GAREM1: variants seen among roughly 807,000 people sequenced by gnomAD.
GAREM1 encodes the protein GRB2-associated and regulator of MAPK protein 1.
Under a neutral mutation model 71.3 loss-of-function variants are expected in GAREM1, and 26 were observed. That is an observed-to-expected ratio of 0.36 (90% CI 0.27 to 0.51). The LOEUF (loss-of-function observed/expected upper bound fraction) is 0.51. Ranked by LOEUF, GAREM1 falls within the 20% of genes least tolerant of loss-of-function variation. The probability of loss-of-function intolerance (pLI) is 0.95; values close to 1 mark genes in which losing one functional copy is unlikely to be tolerated. For synonymous variants in GAREM1, 440 were observed against 433.2 expected, an observed-to-expected ratio of 1.02 and a Z score of -0.20; for missense variants, 1,026 against 1,103.1, an observed-to-expected ratio of 0.93 and a Z score of 0.99.
chr18:32,399,074 T>C (rs1010978396), intron 1 of GAREM1, among the ~76,000 whole-genome samples: 4 of 152,162 alleles, frequency 2.6e-5, no homozygotes, highest in Admixed American at 1.3e-4. Flanking sequence ...AAAAACCACA[T>C]GGTTATCTCA....
At chr18:32,368,649 T>C (rs913797628) in intron 2 of GAREM1, among the ~76,000 whole-genome samples, 1 of 152,202 alleles carries the variant, frequency 6.6e-6, no homozygotes, top group Non-Finnish European at 1.5e-5. Flanking sequence ...AAGTACCAAG[T>C]GGCAAAATTA....
chr18:32,346,035 A>T (rs937672103), intron 2 of GAREM1, among the ~76,000 whole-genome samples: 1 of 152,202 alleles, frequency 6.6e-6, no homozygotes, highest in Non-Finnish European at 1.5e-5. Flanking sequence ...CACTAAACTC[A>T]GTCTTAACTA....
chr18:32,403,724 A>G (rs754411775), intron 1 of GAREM1, among the ~76,000 whole-genome samples: 3 of 152,180 alleles, frequency 2.0e-5, no homozygotes, highest in Non-Finnish European at 4.4e-5. Context: ...TACAGGTATG[A>G]GCCACTGTGC....
At chr18:32,294,320 G>A (rs1460192116) in intron 3 of GAREM1, among the ~76,000 whole-genome samples, 1 of 152,124 alleles carries the variant, frequency 6.6e-6, no homozygotes, top group Non-Finnish European at 1.5e-5. Context: ...GTGGAGTCCG[G>A]GGAAATGGGT....
In GAREM1 at chr18:32,337,047, C is replaced by T. The variant is rs1024047788; in HGVS notation, c.263-26724G>A. ...TCCTCTGTTTTTGCTTATTTTATAA[C>T]ATCAGCTCTTCTACCAACTGCAGAT... On this transcript the variant is annotated intron_variant, in intron 2 of 5. Transcript: ENST00000269209. 2.0e-5 allele frequency among the ~76,000 whole-genome samples: 3 copies of T among 152,302 alleles called. No individual in the cohort carries two copies. In the East Asian group the frequency reaches 5.8e-4, roughly 29 times the overall value.
chr18:32,396,404 T>C (rs536908300), intron 1 of GAREM1, among the ~76,000 whole-genome samples: 18 of 152,116 alleles, frequency 1.2e-4, no homozygotes, highest in Non-Finnish European at 2.2e-4. Flanking sequence ...GATAAAAACC[T>C]TGAAAAAACA....
chr18:32,322,122 A>G (rs2047434690), intron 2 of GAREM1, among the ~76,000 whole-genome samples: 1 of 152,188 alleles, frequency 6.6e-6, no homozygotes, highest in South Asian at 2.1e-4. Flanking sequence ...TAAGGGAGGA[A>G]GCCAACAGAG....
intron 4 of GAREM1, among the ~76,000 whole-genome samples, chr18:32,282,550 T>C (rs1598927191): frequency 6.6e-6 from 1 of 152,272 alleles, no homozygotes; most frequent in East Asian, 1.9e-4. Flanking sequence ...TTGTTTGTTT[T>C]TCTGAGACTG....
At chr18:32,444,274 T>C (rs8088892) in intron 1 of GAREM1, among the ~76,000 whole-genome samples, 19,735 of 152,214 alleles carry the variant, frequency 0.13, 1,546 homozygotes, top group African/African-American at 0.22. Flanking sequence ...ATGTGAATTA[T>C]TCTTCAATAA....
chr18:32,370,924 T>C (rs1405214768), intron 2 of GAREM1, among the ~76,000 whole-genome samples: 3 of 152,194 alleles, frequency 2.0e-5, no homozygotes, highest in South Asian at 2.1e-4. Flanking sequence ...TACTGTCTTA[T>C]TGCAAGCCAG....
In GAREM1 at chr18:32,392,875, G is replaced by C; in HGVS notation, c.262+20C>G. 6.2e-7 allele frequency: 1 copy of C among 1,606,362 alleles called. No individual in the cohort carries two copies. The highest frequency in any genetic ancestry group is 8.5e-7 in the Non-Finnish European group (1 of 1,174,932). On this transcript the variant is annotated intron_variant, in intron 2 of 5. Transcript: ENST00000269209. ...CCCCTTTCTCTCGCTGCCTCATCTTGGCCCTTGGAGGAGTCTTACCTGCAT... is the reference window on the plus strand; with the variant it reads ...CCCCTTTCTCTCGCTGCCTCATCTTCGCCCTTGGAGGAGTCTTACCTGCAT...
chr18:32,344,200 T>G (rs115535057), intron 2 of GAREM1, among the ~76,000 whole-genome samples: 2,580 of 152,274 alleles, frequency 0.017, 82 homozygotes, highest in African/African-American at 0.059. Context: ...AGGCTGTTTC[T>G]TTAGGAATTG....
chr18:32,386,211 C>G (rs1216536154), intron 2 of GAREM1, among the ~76,000 whole-genome samples: 3 of 152,172 alleles, frequency 2.0e-5, no homozygotes, highest in Non-Finnish European at 4.4e-5. Flanking sequence ...ATGGATGATT[C>G]ATGCTAATTA....
At chr18:32,378,012 CTGTGTGTGTGTGTGTGTGTGTGTGTG>C (rs1157230204) in intron 2 of GAREM1, among the ~76,000 whole-genome samples, 5 of 131,814 alleles carry the variant, frequency 3.8e-5, no homozygotes, top group African/African-American at 1.5e-4. Flanking sequence ...TACTATATAA[CTGTGTGTGTGTGTGTGTGTGTGTGTG>C]TGTGTGTGTG....
At chr18:32,330,004 A>G (rs2047516046) in intron 2 of GAREM1, among the ~76,000 whole-genome samples, 1 of 150,384 alleles carries the variant, frequency 6.6e-6, no homozygotes, top group African/African-American at 2.5e-5. Context: ...CAACAAAAAT[A>G]GATTTTTGAC....
chr18:32,329,786 G>T (rs2047513878), intron 2 of GAREM1, among the ~76,000 whole-genome samples: 1 of 151,578 alleles, frequency 6.6e-6, no homozygotes, highest in African/African-American at 2.4e-5. Context: ...TTGGACTATG[G>T]TGGGAGTGGG....
At chr18:32,333,423 C>G (rs901300848) in intron 2 of GAREM1, among the ~76,000 whole-genome samples, 2 of 152,110 alleles carry the variant, frequency 1.3e-5, no homozygotes, top group African/African-American at 4.8e-5. Context: ...AAGGAGCAGA[C>G]AAGGGAAAGA....
At chr18:32,439,726 T>C (rs2048715575) in intron 1 of GAREM1, among the ~76,000 whole-genome samples, 2 of 151,894 alleles carry the variant, frequency 1.3e-5, no homozygotes, top group African/African-American at 4.8e-5. Flanking sequence ...TTGATTGACA[T>C]AGCTAAGTAA....
intron 2 of GAREM1, among the ~76,000 whole-genome samples, chr18:32,377,663 G>A (rs1233307885): frequency 6.6e-6 from 1 of 152,058 alleles, no homozygotes; most frequent in Non-Finnish European, 1.5e-5. Context: ...TCCCAGGTTC[G>A]AGCAATTCTC....
Sources: gnomAD v4.1 joint callset for allele counts (sites outside exome capture counted in the v4.1 genomes callset) on GRCh38, gnomAD v4.1.1 for gene constraint, MANE v1.5 for transcripts, NCBI Gene and HGNC (gene_info 2026-07-23, HGNC 2026-07-21) for gene names.